NUTM2G: variants seen among roughly 807,000 people sequenced by gnomAD.
The protein encoded by NUTM2G is family with sequence similarity 22, member G.
NUTM2G carries 29 observed loss-of-function variants against 44.3 expected under a neutral mutation model. The observed-to-expected ratio is 0.66, with a 90% CI of 0.49 to 0.89. The LOEUF (loss-of-function observed/expected upper bound fraction) is 0.89. Among genes scored for constraint, NUTM2G ranks in the 40% least tolerant of loss-of-function variants. The pLI is 0.00. For missense variants in NUTM2G, 502 were observed against 946.5 expected (o/e 0.53, Z 6.16); for synonymous variants, 205 against 395.9 (o/e 0.52, Z 5.72).
intron 1 of NUTM2G, among the ~76,000 whole-genome samples, chr9:96,930,356 T>C (rs1826199656): frequency 1.3e-5 from 2 of 152,014 alleles, no homozygotes; most frequent in Admixed American, 6.5e-5. Context: ...AAACCCCGTC[T>C]CTACTAAAAA....
At position 96,937,405 on chromosome 9, in the gene NUTM2G, G is replaced by A. The variant is rs1471233445; in HGVS notation, c.1323+1G>A. 8 of 1,612,650 alleles carry A rather than the reference G, an allele frequency of 5.0e-6. No individual in the cohort carries two copies. Among genetic ancestry groups the A allele is most frequent in the Non-Finnish European group, 5.9e-6 (7 of 1,179,470 alleles). ...TTCCCAGGAAGACTTTGTCACCAAGGTGGGCTTGCCTGGAGTGCTGTGGTC... is the reference window on the plus strand; with the variant it reads ...TTCCCAGGAAGACTTTGTCACCAAGATGGGCTTGCCTGGAGTGCTGTGGTC... On this transcript the variant is annotated splice_donor_variant, in intron 5 of 6. Coordinates refer to ENST00000372322, the MANE Select transcript of NUTM2G (RefSeq NM_001170741.3). LOFTEE classifies it high-confidence loss of function.
chr9:96,929,196 CCT>C (rs1216217127), intron 1 of NUTM2G, among the ~76,000 whole-genome samples, 156 bp downstream of exon 1: 2 of 152,154 alleles, frequency 1.3e-5, no homozygotes, highest in African/African-American at 4.8e-5. Flanking sequence ...GCCATGGCAC[CCT>C]GAGTCTGTGG....
rs2479579 is a variant in NUTM2G, at chr9:96,931,409, C to T, written c.17-313C>T. On this transcript the variant is annotated intron_variant, in intron 1 of 6. Coordinates refer to ENST00000372322, the MANE Select transcript of NUTM2G (RefSeq NM_001170741.3). ...CACCGAGAGACTCATCCCTGACCCA[C>T]GGCTTGGGAGATGCCTGTGAGGCTG... Among the ~76,000 whole-genome samples the T allele has an allele frequency of 7.9e-5, 12 of 152,070 alleles. No individual in the cohort carries two copies. In the South Asian group the frequency reaches 1.2e-3, roughly 16 times the overall value.
Position 96,937,049 on chromosome 9 carries a change from C to T in NUTM2G, c.983-15C>T. On this transcript the variant is annotated splice_polypyrimidine_tract_variant and intron_variant, in intron 4 of 6. Transcript: ENST00000372322. Reference sequence around the variant, plus strand: ...CGGCCCTCACCACACCCATCCTCCTCCCTCTCTGCCTCAGTGTACCTTCCC... The same window carrying T: ...CGGCCCTCACCACACCCATCCTCCTTCCTCTCTGCCTCAGTGTACCTTCCC... The T allele has an allele frequency of 1.3e-6, 2 of 1,593,088 alleles. No individual in the cohort carries two copies. Among genetic ancestry groups the T allele is most frequent in the Non-Finnish European group, 1.7e-6 (2 of 1,173,542 alleles).
chr9:96,931,668 C>G (rs1826246181), intron 1 of NUTM2G, 54 bp from the exon 2 acceptor site: 6 of 1,604,282 alleles, frequency 3.7e-6, no homozygotes, highest in Non-Finnish European at 5.1e-6. Flanking sequence ...TCCCCAGTGA[C>G]TAGAGTGGAC....
Position 96,936,407 on chromosome 9 carries a change from G to A in NUTM2G, c.843-18G>A, listed in dbSNP as rs1287841760. 1 of 1,569,636 alleles carries A rather than the reference G, an allele frequency of 6.4e-7. No homozygotes were observed. Among genetic ancestry groups the A allele is most frequent in the African/African-American group, 1.3e-5 (1 of 74,284 alleles). ...GCCTGGACCCTCTCAGCACAGCCTG[G>A]GCCTCCTTCACCCCCAGGTTCCTGG... On this transcript the variant is annotated intron_variant, in intron 3 of 6. Transcript: ENST00000372322.
At chr9:96,936,801 T>C (rs572515335) in intron 4 of NUTM2G, among the ~76,000 whole-genome samples, 1 of 152,322 alleles carries the variant, frequency 6.6e-6, no homozygotes, top group Admixed American at 6.5e-5. Flanking sequence ...TCCCCTTGCC[T>C]GTCCAAAACT....
At chr9:96,929,634 G>C (rs1192307693) in intron 1 of NUTM2G, among the ~76,000 whole-genome samples, 1 of 151,748 alleles carries the variant, frequency 6.6e-6, no homozygotes, top group East Asian at 1.9e-4. Context: ...TTCTCCGTCA[G>C]TTCAGGTAGC....
chr9:96,938,060 C>T (rs1267370841), intron 6 of NUTM2G, 59 bp downstream of exon 6: 33 of 1,607,666 alleles, frequency 2.1e-5, no homozygotes, highest in Non-Finnish European at 2.6e-5. Flanking sequence ...ACCCGGCACA[C>T]AAGGCCCACC....
At position 96,936,484 on chromosome 9, in the gene NUTM2G, G is replaced by C; in HGVS notation, c.902G>C (p.Gly301Ala). The change falls in exon 4 of 7, where the codon GGG (glycine) becomes GCG (alanine). Residue 301 changes from glycine (G) to alanine (A), a missense_variant. Gly to Ala is a moderately conservative substitution (Grantham distance 60, BLOSUM62 0). Transcript: ENST00000372322. ...ATTCAGAAATCGCAGTGGATGAAGG[G>C]GCCCCAGAGCCTGCCTCCTCCAGCC... ...MQIQKSQWMK[G>A]PQSLPPPAPP... The C allele has an allele frequency of 6.4e-7, 1 of 1,560,310 alleles. No individual in the cohort carries two copies. The highest frequency in any genetic ancestry group is 8.6e-7 in the Non-Finnish European group (1 of 1,160,802).
At position 96,936,647 on chromosome 9, in the gene NUTM2G, C is replaced by T. The variant is rs776843796; in HGVS notation, c.982+83C>T. 1.1e-3 allele frequency: 1,579 copies of T among 1,501,318 alleles called. 3 individuals carry two copies. The highest frequency in any genetic ancestry group is 1.3e-3 in the Non-Finnish European group (1,482 of 1,131,550). The allele number at this position is 1,501,318 out of a possible 1,614,324, so 93.0% of individuals were successfully genotyped here. On this transcript the variant is annotated intron_variant, in intron 4 of 6. Coordinates refer to ENST00000372322, the MANE Select transcript of NUTM2G (RefSeq NM_001170741.3). ...GCCACTGTCCCCACATCCCATGCTT[C>T]CCTTCAAGAGGGGGATTTGCTCCCT...
At chr9:96,929,792 C>A (rs1196931590) in intron 1 of NUTM2G, among the ~76,000 whole-genome samples, 1 of 152,066 alleles carries the variant, frequency 6.6e-6, no homozygotes, top group Non-Finnish European at 1.5e-5. Flanking sequence ...TAGCTCGTGG[C>A]CCGTCCTCTG....
intron 2 of NUTM2G, chr9:96,933,644 T>C (rs1826340540): frequency 6.6e-6 from 1 of 152,458 alleles, no homozygotes; most frequent in Non-Finnish European, 1.5e-5. Context: ...AGTGCTGGGA[T>C]TGCAGACGTG....
chr9:96,933,230 G>C (rs562292483), intron 2 of NUTM2G, among the ~76,000 whole-genome samples: 2 of 149,682 alleles, frequency 1.3e-5, no homozygotes, highest in South Asian at 4.2e-4. Flanking sequence ...CTCCCGCCTC[G>C]GCCTCCCAAA....
intron 2 of NUTM2G, among the ~76,000 whole-genome samples, chr9:96,932,973 CTTTTCTTTTT>C (rs1386382510): frequency 6.9e-6 from 1 of 145,716 alleles, no homozygotes; most frequent in East Asian, 2.3e-4. Flanking sequence ...CTTTTCTTTT[CTTTTCTTTTT>C]TTTTTTTTTT....
At chr9:96,938,039 G>A in intron 6 of NUTM2G, 38 bp downstream of exon 6, 1 of 1,611,506 alleles carries the variant, frequency 6.2e-7, no homozygotes, top group South Asian at 1.1e-5. Flanking sequence ...GGTACTCCAG[G>A]GGCAGGAGGG....
chr9:96,934,151 C>T (rs898001256), intron 2 of NUTM2G, among the ~76,000 whole-genome samples: 2 of 152,060 alleles, frequency 1.3e-5, no homozygotes, highest in Non-Finnish European at 2.9e-5. Flanking sequence ...CAGCCCAGAG[C>T]CGTGGACTGT....
At position 96,929,358 on chromosome 9, in the gene NUTM2G, G is replaced by C. The variant is rs972577139; in HGVS notation, c.16+318G>C. Among the ~76,000 whole-genome samples the C allele has an allele frequency of 7.9e-5, 12 of 151,930 alleles. 1 individual carries two copies. Among genetic ancestry groups the C allele is most frequent in the Admixed American group, 6.5e-4 (10 of 15,268 alleles). On this transcript the variant is annotated intron_variant, in intron 1 of 6. Transcript: ENST00000372322. ...GGGAGTGGTGGGATCGTGTTGTGCT[G>C]GTGGCCCAGGGAGAATGACGGGCAA...
chr9:96,937,310 T>A lies in NUTM2G; in HGVS notation c.1229T>A (p.Val410Glu), dbSNP rs759265326. ...EPEGQREKGK[V>E]EQPQEEDGMT... is the part of the protein sequence containing the mutation. Reference sequence around the variant, plus strand: ...GAGGGACAACGGGAAAAGGGCAAAGTGGAGCAGCCGCAGGAAGAGGACGGG... The same window carrying A: ...GAGGGACAACGGGAAAAGGGCAAAGAGGAGCAGCCGCAGGAAGAGGACGGG... Residue 410 changes from valine to glutamate, a missense_variant, in exon 5 of 7, where the codon GTG (valine) becomes GAG (glutamate). Transcript: ENST00000372322. The A allele has an allele frequency of 3.1e-6, 5 of 1,613,730 alleles. No homozygotes were observed. In the South Asian group the frequency reaches 5.5e-5, roughly 18 times the overall value.
Sources: allele counts gnomAD v4.1 joint callset (sites outside exome capture counted in the v4.1 genomes callset), GRCh38; gene constraint gnomAD v4.1.1; transcripts MANE v1.5; gene names NCBI Gene and HGNC (gene_info 2026-07-23, HGNC 2026-07-21).